Variants in UBE2E1 observed in about 807,000 individuals in gnomAD.
The protein encoded by UBE2E1 is ubiquitin conjugating enzyme E2 E1, also known as ubiquitin-conjugating enzyme E2 E1.
UBE2E1 carries 6 observed loss-of-function variants against 21.4 expected under a neutral mutation model. The ratio of observed to expected loss-of-function variants is 0.28; its 90% CI spans 0.15 to 0.55. The LOEUF (loss-of-function observed/expected upper bound fraction) is 0.55, where lower values mean the gene tolerates loss of function less well. Among genes scored for constraint, UBE2E1 ranks in the 20% least tolerant of loss-of-function variants. The probability of loss-of-function intolerance (pLI) is 0.93; values close to 1 mark genes in which losing one functional copy is unlikely to be tolerated. For synonymous variants in UBE2E1, 87 were observed against 82.7 expected (o/e 1.05, Z -0.28); for missense variants, 142 against 236.5 (o/e 0.60, Z 2.62).
chr3:23,890,353 T>A (rs950928548), intron 5 of UBE2E1, among the ~76,000 whole-genome samples, 156 bp from the exon 6 acceptor site: 1 of 152,214 alleles, frequency 6.6e-6, no homozygotes, highest in Non-Finnish European at 1.5e-5. Context: ...TTTTGAAATT[T>A]TGATGGAAAA....
chr3:23,848,469 CAAAAAAAA>C (rs36092258), intron 3 of UBE2E1, among the ~76,000 whole-genome samples: 1 of 136,598 alleles, frequency 7.3e-6, no homozygotes, highest in African/African-American at 2.7e-5. Context: ...GACTCTGTCT[CAAAAAAAA>C]AAAAACAAAA....
At chr3:23,832,796 T>G (rs1209855446) in intron 3 of UBE2E1, among the ~76,000 whole-genome samples, 3 of 152,092 alleles carry the variant, frequency 2.0e-5, no homozygotes, top group African/African-American at 7.2e-5. Flanking sequence ...TTTGGTTAGC[T>G]AAGGCGGGTG....
chr3:23,838,076 A>AT (rs893416981), intron 3 of UBE2E1, among the ~76,000 whole-genome samples: 95 of 150,874 alleles, frequency 6.3e-4, no homozygotes, highest in East Asian at 9.7e-4. Context: ...TATTTATTTT[A>AT]TTTTTTTTTG....
intron 3 of UBE2E1, among the ~76,000 whole-genome samples, chr3:23,832,892 C>A (rs1699899315): frequency 6.6e-6 from 1 of 151,494 alleles, no homozygotes; most frequent in Admixed American, 6.6e-5. Flanking sequence ...AAAAATAATC[C>A]AGGTGTGGTG....
chr3:23,875,522 C>T (rs1186110857), intron 3 of UBE2E1, among the ~76,000 whole-genome samples: 1 of 152,120 alleles, frequency 6.6e-6, no homozygotes, highest in Non-Finnish European at 1.5e-5. Context: ...CATCCTTGTG[C>T]GTCACAAAAA....
At chr3:23,849,334 T>A (rs948169071) in intron 3 of UBE2E1, among the ~76,000 whole-genome samples, 10 of 152,178 alleles carry the variant, frequency 6.6e-5, no homozygotes, top group Non-Finnish European at 1.2e-4. Flanking sequence ...TTTAAAAAAA[T>A]TTTTAAATTT....
At chr3:23,850,837 CTTTTTTTTTTTT>C (rs71057628) in intron 3 of UBE2E1, among the ~76,000 whole-genome samples, 3 of 128,446 alleles carry the variant, frequency 2.3e-5, no homozygotes, top group South Asian at 2.7e-4. Flanking sequence ...CCACACCCAG[CTTTTTTTTTTTT>C]TTTTTTTTTT....
intron 3 of UBE2E1, among the ~76,000 whole-genome samples, chr3:23,872,175 A>T (rs989358698): frequency 2.0e-5 from 3 of 152,226 alleles, no homozygotes; most frequent in Non-Finnish European, 2.9e-5. Flanking sequence ...GCTGGAGACC[A>T]GCCCGGCCAA....
At chr3:23,858,613 C>G (rs1414266957) in intron 3 of UBE2E1, among the ~76,000 whole-genome samples, 2 of 152,168 alleles carry the variant, frequency 1.3e-5, no homozygotes, top group Non-Finnish European at 2.9e-5. Context: ...ACCCACTGCG[C>G]CCGGCCAGGA....
rs1387920260 is a variant in UBE2E1, at chr3:23,806,068, A to C, written c.-54A>C. On this transcript the variant is annotated 5_prime_UTR_variant, in exon 1 of 6. Transcript: ENST00000306627. The surrounding 1 kb of genome is among the most constrained non-coding windows in gnomAD (Gnocchi z 6.5). ...AGCAGCAGCCGCCGCGGCGGCACGGAGGAGCCAGACACAAAGAGAGGTACG... is the reference window on the plus strand; with the variant it reads ...AGCAGCAGCCGCCGCGGCGGCACGGCGGAGCCAGACACAAAGAGAGGTACG... 6.6e-6 allele frequency: 1 copy of C among 151,292 alleles called. No individual in the cohort carries two copies. The highest frequency in any genetic ancestry group is 6.6e-5 in the Admixed American group (1 of 15,142). The allele number at this position is 151,292 out of a possible 1,614,324, so 9.4% of individuals were successfully genotyped here.
chr3:23,859,179 G>C (rs1005711907), intron 3 of UBE2E1, among the ~76,000 whole-genome samples: 1 of 152,164 alleles, frequency 6.6e-6, no homozygotes, highest in African/African-American at 2.4e-5. Context: ...GCCTGCCTTT[G>C]CCTGAGGCCA....
At chr3:23,888,454 A>G (rs1701248080) in intron 4 of UBE2E1, among the ~76,000 whole-genome samples, 2 of 152,210 alleles carry the variant, frequency 1.3e-5, no homozygotes, top group Admixed American at 1.3e-4. Flanking sequence ...GTTTTGGTAT[A>G]TTTCACAAAT....
intron 3 of UBE2E1, among the ~76,000 whole-genome samples, chr3:23,830,040 T>C (rs896260963): frequency 5.1e-4 from 77 of 152,232 alleles, no homozygotes; most frequent in Admixed American, 4.5e-3. Context: ...CTAGAATAAT[T>C]TAAAAGATAC....
intron 2 of UBE2E1, among the ~76,000 whole-genome samples, chr3:23,809,929 T>C (rs765586912): frequency 6.6e-6 from 1 of 152,228 alleles, no homozygotes; most frequent in Non-Finnish European, 1.5e-5. Flanking sequence ...AGGACACAAA[T>C]ACGTGTCAAT....
chr3:23,889,911 T>G (rs759822474), intron 5 of UBE2E1: 6 of 163,170 alleles, frequency 3.7e-5, no homozygotes, highest in Non-Finnish European at 6.4e-5. Flanking sequence ...TATATATATA[T>G]ACACATATGT....
rs192288820 is a variant in UBE2E1 at position 23,808,952 on chromosome 3, G to C, written c.152+1531G>C. The C allele has an allele frequency of 1.8e-4, 27 of 152,226 alleles. No homozygotes were observed. Among genetic ancestry groups the C allele is most frequent in the African/African-American group, 6.3e-4 (26 of 41,536 alleles). 9.4% of individuals were successfully genotyped at this position (152,226 alleles called of 1,614,324 possible). On this transcript the variant is annotated intron_variant, in intron 2 of 5. Coordinates refer to ENST00000306627, the MANE Select transcript of UBE2E1 (RefSeq NM_003341.5). This position sits in a 1 kb window ranked among gnomAD's most constrained non-coding sequence, Gnocchi z 4.9. ...TCCCTGGTGTACATGAATATATTTG[G>C]GGGTAAAGACACAGGTATCAAATAG...
chr3:23,871,436 G>T (rs1268498549), intron 3 of UBE2E1, among the ~76,000 whole-genome samples: 1 of 150,852 alleles, frequency 6.6e-6, no homozygotes, highest in Non-Finnish European at 1.5e-5. Context: ...GGGCAGAGGA[G>T]CTCCTCACTT....
At chr3:23,889,867 C>A in intron 5 of UBE2E1, 1 of 555,646 alleles carries the variant, frequency 1.8e-6, no homozygotes, top group Non-Finnish European at 2.3e-6. Context: ...TGCATTCCAG[C>A]CTGGGTGGCA....
intron 3 of UBE2E1, among the ~76,000 whole-genome samples, chr3:23,868,215 T>TC (rs997379249): frequency 1.1e-4 from 17 of 152,116 alleles, no homozygotes; most frequent in African/African-American, 3.1e-4. Context: ...AGACTTAGTA[T>TC]CCCCCCCACC....
Sources: gnomAD v4.1 joint callset for allele counts (sites outside exome capture counted in the v4.1 genomes callset) on GRCh38, gnomAD v4.1.1 for gene constraint, Gnocchi (gnomAD v3.1) non-coding constraint, MANE v1.5 for transcripts, NCBI Gene and HGNC (gene_info 2026-07-23, HGNC 2026-07-21) for gene names.